Variants in MAN2A2 observed in about 807,000 individuals in gnomAD.
The protein encoded by MAN2A2 is mannosidase alpha class 2A member 2.
A neutral mutation model predicts 126.8 loss-of-function variants in MAN2A2; 79 were observed. That is an observed-to-expected ratio of 0.62 (90% CI 0.52 to 0.75). The LOEUF (loss-of-function observed/expected upper bound fraction) is 0.75, where lower values mean the gene tolerates loss of function less well. Among genes scored for constraint, MAN2A2 ranks in the 30% least tolerant of loss-of-function variants. The probability of loss-of-function intolerance (pLI) is 0.00; values close to 1 mark genes in which losing one functional copy is unlikely to be tolerated. For synonymous variants in MAN2A2, 671 were observed against 618.7 expected, an observed-to-expected ratio of 1.08 and a Z score of -1.25; for missense variants, 1,392 against 1,522.4, an observed-to-expected ratio of 0.91 and a Z score of 1.43.
At position 90,911,563 on chromosome 15, in the gene MAN2A2, C is replaced by T. The variant is rs200959123; in HGVS notation, c.2109+13C>T. ...TGACGTCTACCAGGTGAGGTGTGGGCTTGTCAGGTGGGCCTGGCCCTCTGC... is the reference window on the plus strand; with the variant it reads ...TGACGTCTACCAGGTGAGGTGTGGGTTTGTCAGGTGGGCCTGGCCCTCTGC... On this transcript the variant is annotated intron_variant, in intron 14 of 22. Coordinates refer to ENST00000559717, the MANE Select transcript of MAN2A2 (RefSeq NM_006122.4). 1.4e-4 allele frequency: 219 copies of T among 1,601,440 alleles called. No individual in the cohort carries two copies. In the Admixed American group the frequency reaches 3.6e-3, roughly 27 times the overall value.
chr15:90,906,529 C>G, intron 6 of MAN2A2, 32 bp downstream of exon 6: 2 of 1,613,950 alleles, frequency 1.2e-6, no homozygotes, highest in South Asian at 1.1e-5. Context: ...GGGGTCTGCC[C>G]CCTGGGCTGT....
intron 14 of MAN2A2, chr15:90,911,792 A>T: frequency 1.7e-6 from 1 of 603,802 alleles, no homozygotes; most frequent in East Asian, 2.8e-5. Context: ...ATAATGCCCC[A>T]TCATTCAGTC....
At chr15:90,918,558 C>A in intron 21 of MAN2A2, 87 bp from the exon 22 acceptor site, 1 of 1,222,340 alleles carries the variant, frequency 8.2e-7, no homozygotes, top group East Asian at 2.4e-5. Context: ...CTCCCTGTGC[C>A]AGCACTGCCT....
chr15:90,909,710 T>C (rs1014487155), intron 9 of MAN2A2, among the ~76,000 whole-genome samples: 15 of 151,862 alleles, frequency 9.9e-5, no homozygotes, highest in African/African-American at 3.6e-4. Flanking sequence ...TTCACGCCAG[T>C]CTCCTGCCTC....
intron 3 of MAN2A2, 31 bp downstream of exon 3, chr15:90,905,539 T>A (rs537964239): frequency 1.2e-6 from 2 of 1,614,026 alleles, no homozygotes; most frequent in East Asian, 4.5e-5. Context: ...GGACGTACAG[T>A]GGCCACGACT....
intron 22 of MAN2A2, 25 bp from the exon 23 acceptor site, chr15:90,919,610 C>G: frequency 1.2e-6 from 2 of 1,612,716 alleles, no homozygotes; most frequent in Non-Finnish European, 1.7e-6. Context: ...CTAGCACAAC[C>G]CTGCCCCTTC....
rs1400450204 is a variant in MAN2A2 at position 90,910,402 on chromosome 15, G to A, written c.1578-99G>A. ...ATAGATAGGCCCAGAGGCCAGGGCA[G>A]GTAGAGGAGGGGTGGGAAGGAAGGA... On this transcript the variant is annotated intron_variant, in intron 10 of 22. Transcript: ENST00000559717. The A allele has an allele frequency of 1.9e-6, 3 of 1,569,452 alleles. No homozygotes were observed. In the African/African-American group the frequency reaches 4.1e-5, roughly 21 times the overall value.
At chr15:90,903,685 G>C (rs2034016791) in intron 1 of MAN2A2, 2 of 232,330 alleles carry the variant, frequency 8.6e-6, no homozygotes, top group Admixed American at 1.0e-4. Context: ...TTATTAGAAA[G>C]AAACTCATTC....
In MAN2A2 at chr15:90,903,364, A is replaced by T. The variant is rs1038788492; in HGVS notation, c.-87A>T. 8 of 152,652 alleles carry T rather than the reference A, an allele frequency of 5.2e-5. No homozygotes were observed. Among genetic ancestry groups the T allele is most frequent in the African/African-American group, 1.9e-4 (8 of 41,458 alleles). The allele number at this position is 152,652 out of a possible 1,614,324, so 9.5% of individuals were successfully genotyped here. ...AGCTCCTCGGCCCCAGGGCCCGCGG[A>T]GCAGACTCCGGAGCGCGGTCCCGCC... is the stretch of plus-strand genomic sequence containing the variant. On this transcript the variant is annotated 5_prime_UTR_variant, in exon 1 of 23. Coordinates refer to ENST00000559717, the MANE Select transcript of MAN2A2 (RefSeq NM_006122.4).
upstream of MAN2A2, chr15:90,902,800 G>C (rs2033942432): frequency 6.8e-6 from 1 of 146,152 alleles, no homozygotes; most frequent in Non-Finnish European, 1.5e-5. Context: ...GAGCGCGCCG[G>C]CGGCCCGGGG....
intron 7 of MAN2A2, 54 bp downstream of exon 7, chr15:90,906,967 C>T (rs189744590): frequency 1.9e-6 from 3 of 1,588,528 alleles, no homozygotes; most frequent in African/African-American, 1.3e-5. Context: ...CACTGGGGAA[C>T]AGCAGGGATA....
intron 1 of MAN2A2, chr15:90,903,976 G>C: frequency 1.7e-6 from 1 of 587,198 alleles, no homozygotes; most frequent in Non-Finnish European, 3.1e-6. Context: ...GTTTTTCATA[G>C]CACCAGCCAA....
intron 11 of MAN2A2, 26 bp from the exon 12 acceptor site, chr15:90,910,821 C>G: frequency 1.2e-6 from 2 of 1,607,200 alleles, no homozygotes; most frequent in Non-Finnish European, 1.7e-6. Flanking sequence ...CATCTTCTCT[C>G]CTTCCCTCTC....
rs1216072001 is a variant in MAN2A2, at chr15:90,905,562, T to G, written c.391-17T>G. 4.3e-6 allele frequency: 7 copies of G among 1,614,068 alleles called. No individual in the cohort carries two copies. Among genetic ancestry groups the G allele is most frequent in the Non-Finnish European group, 5.1e-6 (6 of 1,180,050 alleles). Reference sequence around the variant, plus strand: ...AGTGGCCACGACTGGGGTACTGAGCTGCAGTTCACCTGGCAGATGCTCACT... The same window carrying G: ...AGTGGCCACGACTGGGGTACTGAGCGGCAGTTCACCTGGCAGATGCTCACT... On this transcript the variant is annotated splice_polypyrimidine_tract_variant and intron_variant, in intron 3 of 22. Coordinates refer to ENST00000559717, the MANE Select transcript of MAN2A2 (RefSeq NM_006122.4).
At position 90,911,418 on chromosome 15, in the gene MAN2A2, G is replaced by A; in HGVS notation, c.1977G>A (p.Glu659=). The change falls in exon 14 of 23, where the codon GAG becomes GAA. Residue 659 remains glutamate, a synonymous_variant. Coordinates refer to ENST00000559717, the MANE Select transcript of MAN2A2 (RefSeq NM_006122.4). ...TCCTATTCAACCCACTGGAACAGGA[G>A]CGATTCAGCATGGTGTCCCTGCTGG... The part of the protein sequence containing the change: ...FVVLFNPLEQ[E]RFSMVSLLVN... The A allele has an allele frequency of 6.2e-7, 1 of 1,614,266 alleles. No individual in the cohort carries two copies. Among genetic ancestry groups the A allele is most frequent in the Non-Finnish European group, 8.5e-7 (1 of 1,180,040 alleles).
At chr15:90,912,394 T>C in intron 15 of MAN2A2, 115 bp downstream of exon 15, 1 of 1,557,966 alleles carries the variant, frequency 6.4e-7, no homozygotes, top group South Asian at 1.1e-5. Context: ...TGACCCACAG[T>C]GGACCGGGGC....
chr15:90,907,237 T>A, intron 7 of MAN2A2, 72 bp from the exon 8 acceptor site: 2 of 1,481,950 alleles, frequency 1.3e-6, no homozygotes, highest in Non-Finnish European at 1.9e-6. Context: ...GCCTTTAGCC[T>A]GAACAGATCC....
At chr15:90,916,733 C>A in intron 20 of MAN2A2, 3 of 1,114,692 alleles carry the variant, frequency 2.7e-6, no homozygotes, top group Non-Finnish European at 3.6e-6. Context: ...GGTGACAGAG[C>A]CCGCCACTCA....
At chr15:90,917,937 A>G in intron 20 of MAN2A2, 1 of 468,510 alleles carries the variant, frequency 2.1e-6, no homozygotes, top group Non-Finnish European at 3.9e-6. Flanking sequence ...TGCTCATGAT[A>G]GTGTTATGTG....
Sources: allele counts gnomAD v4.1 joint callset (sites outside exome capture counted in the v4.1 genomes callset), GRCh38; gene constraint gnomAD v4.1.1; transcripts MANE v1.5; gene names NCBI Gene and HGNC (gene_info 2026-07-23, HGNC 2026-07-21).